ROS1: variants seen among roughly 807,000 people sequenced by gnomAD.
ROS1 encodes proto-oncogene tyrosine-protein kinase ROS.
Under a neutral mutation model 273.5 loss-of-function variants are expected in ROS1, and 263 were observed. The observed-to-expected ratio is 0.96, with a 90% CI of 0.87 to 1.06. The LOEUF is 1.06. ROS1 is among the 50% of genes least tolerant of loss of function. The pLI, the probability that ROS1 is intolerant of heterozygous loss-of-function variation, is 0.00. For missense variants in ROS1, 2,833 were observed against 2,751.1 expected, an observed-to-expected ratio of 1.03 and a Z score of -0.67; for synonymous variants, 1,008 against 954.1, an observed-to-expected ratio of 1.06 and a Z score of -1.04.
chr6:117,389,430 C>T lies in ROS1; in HGVS notation c.1706G>A (p.Arg569His), dbSNP rs145765584. The part of the protein sequence containing the change: ...SSSQLHPLPG[R>H]PQELSVLFGS... ...AAACAGCACCGAAAGCTCCTGCGGG[C>T]GGCCTGGCAGAGGGTGCAGCTGGGA... is the stretch of plus-strand genomic sequence containing the variant. Residue 569 changes from arginine (R) to histidine (H), a missense_variant, in exon 13 of 44, where the codon CGC becomes CAC. Coordinates refer to ENST00000368507, the MANE Select transcript of ROS1 (RefSeq NM_001378902.1). 530 of 1,614,126 alleles carry T rather than the reference C, an allele frequency of 3.3e-4. No individual in the cohort carries two copies. Among genetic ancestry groups the T allele is most frequent in the Middle Eastern group, 9.9e-4 (6 of 6,062 alleles).
At chr6:117,300,091 TTTTTTTTTTTTTTTTTTTTTTTGTA>T (rs1373596365) in intron 43 of ROS1, among the ~76,000 whole-genome samples, 4 of 133,024 alleles carry the variant, frequency 3.0e-5, no homozygotes, top group Non-Finnish European at 4.8e-5. Context: ...ACAGGCTTTT[TTTTTTTTTTTTTTTTTTTTTTTGTA>T]TTTTTTTTGT....
intron 32 of ROS1, among the ~76,000 whole-genome samples, chr6:117,336,425 T>C (rs1373299553): frequency 6.6e-6 from 1 of 152,182 alleles, no homozygotes; most frequent in East Asian, 1.9e-4. Context: ...ACGCAGTGTT[T>C]GGTTTTCTGT....
chr6:117,408,912 T>C (rs1183405941), intron 5 of ROS1, among the ~76,000 whole-genome samples: 1 of 151,988 alleles, frequency 6.6e-6, no homozygotes, highest in Non-Finnish European at 1.5e-5. Context: ...CTGTCCTTTG[T>C]AGGGACATGG....
chr6:117,308,143 C>A (rs1277702563), intron 42 of ROS1, among the ~76,000 whole-genome samples: 4 of 152,148 alleles, frequency 2.6e-5, no homozygotes, highest in Non-Finnish European at 4.4e-5. Flanking sequence ...ATACTTTCCA[C>A]AAGGAGGCAG....
intron 32 of ROS1, among the ~76,000 whole-genome samples, chr6:117,332,946 G>C (rs1367946442): frequency 6.6e-6 from 1 of 151,824 alleles, no homozygotes; most frequent in Non-Finnish European, 1.5e-5. Context: ...AGAGAGGCAA[G>C]AGCAAACTAA....
At chr6:117,289,110 A>T (rs1773639524) in intron 43 of ROS1, among the ~76,000 whole-genome samples, 1 of 152,184 alleles carries the variant, frequency 6.6e-6, no homozygotes, top group South Asian at 2.1e-4. Context: ...GGGGTGATTA[A>T]CTCTGCCTTA....
intron 3 of ROS1, among the ~76,000 whole-genome samples, chr6:117,415,466 C>T (rs1775268191): frequency 1.3e-5 from 2 of 152,134 alleles, no homozygotes; most frequent in African/African-American, 4.8e-5. Flanking sequence ...AACCCCTGAC[C>T]TGAACAACCT....
chr6:117,379,230 C>A lies in ROS1; in HGVS notation c.2482-71G>T. 6 of 873,890 alleles carry A rather than the reference C, an allele frequency of 6.9e-6. No homozygotes were observed. In the South Asian group the frequency reaches 9.2e-5, roughly 13 times the overall value. 54.1% of individuals were successfully genotyped at this position (873,890 alleles called of 1,614,324 possible). A position where few individuals can be genotyped will look rare whatever the true frequency, so the allele number is the denominator to read the frequency against. On this transcript the variant is annotated intron_variant, in intron 17 of 43. Transcript: ENST00000368507. ...AGCATAACTTTGTGAACAGGTCACA[C>A]TTAAGCTATAGATTTCTCTTTAACA...
rs866307167 is a variant in ROS1, at chr6:117,383,443, A to G, written c.2355T>C (p.Asn785=). 2 of 1,614,114 alleles carry G rather than the reference A, an allele frequency of 1.2e-6. No homozygotes were observed. Among genetic ancestry groups the G allele is most frequent in the Middle Eastern group, 1.6e-4 (1 of 6,062 alleles). ...CACCAACTGAATCCACCACCATGTCATTCACCAATAGCTTCACGTGGGTAA... is the reference window on the plus strand; with the variant it reads ...CACCAACTGAATCCACCACCATGTCGTTCACCAATAGCTTCACGTGGGTAA... ...DIVTHVKLLV[N]DMVVDSVGGY... The change falls in exon 17 of 44, where the codon AAT becomes AAC. Residue 785 remains asparagine (N), a synonymous_variant. Transcript: ENST00000368507.
rs2128559060 is a variant in ROS1 at position 117,319,987 on chromosome 6, G to A, written c.5803C>T (p.Pro1935Ser). 6.2e-7 allele frequency: 1 copy of A among 1,613,318 alleles called. No individual in the cohort carries two copies. Among genetic ancestry groups the A allele is most frequent in the Non-Finnish European group, 8.5e-7 (1 of 1,179,558 alleles). The change falls in exon 37 of 44, where the codon CCT becomes TCT. Residue 1935 changes from proline (P) to serine (S), a missense_variant. Physicochemically the swap from Pro to Ser is moderately conservative, Grantham distance 74. Coordinates refer to ENST00000368507, the MANE Select transcript of ROS1 (RefSeq NM_001378902.1). ...AGACGCAGAGTCAGTTTTTCCCGAG[G>A]GAAGGCAGGAAGATTTTCAATCTCC... Reference protein sequence around the residue: ...QEEIENLPAFPREKLTLRLLL... With the variant: ...QEEIENLPAFSREKLTLRLLL...
intron 43 of ROS1, among the ~76,000 whole-genome samples, chr6:117,289,968 ATTTAAC>A (rs900344115): frequency 1.3e-5 from 2 of 152,190 alleles, no homozygotes; most frequent in African/African-American, 2.4e-5. Flanking sequence ...AAAATAAGAT[ATTTAAC>A]TTTAAGTAGT....
intron 12 of ROS1, among the ~76,000 whole-genome samples, chr6:117,390,300 T>A (rs1772960899): frequency 6.6e-6 from 1 of 152,168 alleles, no homozygotes; most frequent in South Asian, 2.1e-4. Flanking sequence ...CTAATTTTTG[T>A]ATTTTTTGTG....
At chr6:117,354,688 A>C (rs1779153001) in intron 26 of ROS1, among the ~76,000 whole-genome samples, 1 of 152,234 alleles carries the variant, frequency 6.6e-6, no homozygotes, top group South Asian at 2.1e-4. Flanking sequence ...TTAGGATTTT[A>C]ATTACAGGTT....
chr6:117,327,123 C>G (rs188657817), intron 33 of ROS1, among the ~76,000 whole-genome samples: 19 of 152,306 alleles, frequency 1.2e-4, no homozygotes, highest in African/African-American at 4.3e-4. Context: ...AGTTTTAGGA[C>G]TTGGTGCCAA....
intron 26 of ROS1, among the ~76,000 whole-genome samples, chr6:117,354,920 T>C (rs1250064738): frequency 6.6e-6 from 1 of 152,084 alleles, no homozygotes; most frequent in East Asian, 1.9e-4. Flanking sequence ...GAGGAAGTCA[T>C]TGGGTGGAAA....
intron 4 of ROS1, among the ~76,000 whole-genome samples, chr6:117,414,249 G>A (rs1775163158): frequency 6.6e-6 from 1 of 152,090 alleles, no homozygotes. Context: ...AACCAGATTA[G>A]AGTAATATAT....
At chr6:117,398,403 T>A (rs987103900) in intron 7 of ROS1, among the ~76,000 whole-genome samples, 1 of 151,956 alleles carries the variant, frequency 6.6e-6, no homozygotes, top group Non-Finnish European at 1.5e-5. Context: ...TTAGGCCGGG[T>A]GCAGTGGTTT....
At chr6:117,342,378 C>G in intron 29 of ROS1, 22 bp downstream of exon 29, 1 of 1,605,860 alleles carries the variant, frequency 6.2e-7, no homozygotes, top group Non-Finnish European at 8.5e-7. Context: ...CTTGAGAAAC[C>G]CACAACAAGC....
In ROS1 at chr6:117,306,381, T is replaced by A. The variant is rs555362342; in HGVS notation, c.6551+2413A>T. On this transcript the variant is annotated intron_variant, in intron 42 of 43. Coordinates refer to ENST00000368507, the MANE Select transcript of ROS1 (RefSeq NM_001378902.1). ...ACTCTCCAGTAATTCCAGTTGCCAC[T>A]GTGATATATCTGTTATAAAACCCCA... Among the ~76,000 whole-genome samples the A allele has an allele frequency of 1.1e-4, 16 of 152,298 alleles. No homozygotes were observed. In the East Asian group the frequency reaches 3.1e-3, roughly 29 times the overall value.
Sources: gnomAD v4.1 joint callset for allele counts (sites outside exome capture counted in the v4.1 genomes callset) on GRCh38, gnomAD v4.1.1 for gene constraint, MANE v1.5 for transcripts, NCBI Gene and HGNC (gene_info 2026-07-23, HGNC 2026-07-21) for gene names.